Variants in NR3C2 observed in about 807,000 individuals in gnomAD.
NR3C2 encodes nuclear receptor subfamily 3 group C member 2.
A neutral mutation model predicts 86.4 loss-of-function variants in NR3C2; 15 were observed. The ratio of observed to expected loss-of-function variants is 0.17; its 90% CI spans 0.12 to 0.27. The LOEUF (loss-of-function observed/expected upper bound fraction) is 0.27, where lower values mean the gene tolerates loss of function less well. Among genes scored for constraint, NR3C2 ranks in the 10% least tolerant of loss-of-function variants. NR3C2 has a pLI of 1.00. For missense variants in NR3C2, 960 were observed against 1,195.6 expected, an observed-to-expected ratio of 0.80 and a Z score of 2.91; for synonymous variants, 458 against 450.5, an observed-to-expected ratio of 1.02 and a Z score of -0.21.
chr4:148,122,043 T>C (rs1732528870), intron 6 of NR3C2, among the ~76,000 whole-genome samples: 1 of 152,166 alleles, frequency 6.6e-6, no homozygotes, highest in African/African-American at 2.4e-5. Flanking sequence ...GTGCCCTTAC[T>C]TCACATCCCC....
rs1730526547 is a variant in NR3C2, at chr4:148,080,985, C to A, written c.*359G>T. The A allele has an allele frequency of 2.8e-6, 1 of 352,052 alleles. No individual in the cohort carries two copies. Among genetic ancestry groups the A allele is most frequent in the African/African-American group, 2.1e-5 (1 of 47,166 alleles). 21.8% of individuals were successfully genotyped at this position (352,052 alleles called of 1,614,324 possible). A position where few individuals can be genotyped will look rare whatever the true frequency, so the allele number is the denominator to read the frequency against. ...TAAAACGTTCGTTAGTCCTTGAACC[C>A]TTTTAAAACAAGCGAACGATACCAG... On this transcript the variant is annotated 3_prime_UTR_variant, in exon 9 of 9. Coordinates refer to ENST00000358102, the MANE Select transcript of NR3C2 (RefSeq NM_000901.5).
chr4:148,082,557 T>C (rs1218721110), intron 8 of NR3C2, among the ~76,000 whole-genome samples: 3 of 152,058 alleles, frequency 2.0e-5, no homozygotes, highest in Non-Finnish European at 4.4e-5. Flanking sequence ...TCCCAGGGTC[T>C]TCACAACCCA....
rs542435693 is a variant in NR3C2, at chr4:148,228,964, T to A, written c.1897+31014A>T. ...ATGCCTATAAAAGAGCTGAGAGGCA[T>A]AGAAGGGATGAACAATTATGGTGAA... On this transcript the variant is annotated intron_variant, in intron 3 of 8. Transcript: ENST00000358102. 2.0e-5 allele frequency among the ~76,000 whole-genome samples: 3 copies of A among 152,208 alleles called. No individual in the cohort carries two copies. The South Asian group carries it at 6.2e-4, about 32-fold the overall frequency.
At chr4:148,281,920 A>T (rs923450699) in intron 2 of NR3C2, among the ~76,000 whole-genome samples, 2 of 152,262 alleles carry the variant, frequency 1.3e-5, no homozygotes, top group Non-Finnish European at 2.9e-5. Context: ...CAGTCTGGTA[A>T]GAGATTAATT....
intron 8 of NR3C2, among the ~76,000 whole-genome samples, chr4:148,088,943 A>G (rs192686189): frequency 5.8e-4 from 88 of 152,358 alleles, no homozygotes; most frequent in African/African-American, 2.1e-3. Context: ...AGTTAGTTCT[A>G]TATTCCATTA....
chr4:148,309,387 G>A (rs1418297039), intron 2 of NR3C2, among the ~76,000 whole-genome samples: 1 of 152,070 alleles, frequency 6.6e-6, no homozygotes, highest in African/African-American at 2.4e-5. Flanking sequence ...AGTAAGAAGA[G>A]ACACACATGC....
chr4:148,159,818 T>A (rs191879908), intron 4 of NR3C2, among the ~76,000 whole-genome samples: 1 of 152,348 alleles, frequency 6.6e-6, no homozygotes, highest in African/African-American at 2.4e-5. Flanking sequence ...AAGGAACATG[T>A]TTCTATTAAC....
At chr4:148,273,466 C>T (rs1264629237) in intron 2 of NR3C2, among the ~76,000 whole-genome samples, 2 of 152,096 alleles carry the variant, frequency 1.3e-5, no homozygotes, top group African/African-American at 2.4e-5. Context: ...AGATTATGGT[C>T]GCTAAATTTT....
At chr4:148,425,015 G>A (rs1224232265) in intron 2 of NR3C2, among the ~76,000 whole-genome samples, 1 of 152,092 alleles carries the variant, frequency 6.6e-6, no homozygotes, top group Non-Finnish European at 1.5e-5. Flanking sequence ...GAAAAAGGAA[G>A]AACAGTATTT....
chr4:148,374,977 T>A (rs1746599396), intron 2 of NR3C2, among the ~76,000 whole-genome samples: 1 of 152,198 alleles, frequency 6.6e-6, no homozygotes, highest in Non-Finnish European at 1.5e-5. Context: ...GAAAACAGAT[T>A]AATGAGTGAA....
chr4:148,353,307 A>G (rs764753135), intron 2 of NR3C2, among the ~76,000 whole-genome samples: 10 of 152,096 alleles, frequency 6.6e-5, no homozygotes, highest in Non-Finnish European at 1.5e-4. Flanking sequence ...TCATTATACA[A>G]ATTCATTTTA....
chr4:148,259,293 T>C (rs1739978698), intron 3 of NR3C2, among the ~76,000 whole-genome samples: 1 of 152,338 alleles, frequency 6.6e-6, no homozygotes, highest in Non-Finnish European at 1.5e-5. Context: ...AACCATCTGG[T>C]CTAAGTCTGA....
chr4:148,369,273 C>A (rs1328848469), intron 2 of NR3C2, among the ~76,000 whole-genome samples: 1 of 152,132 alleles, frequency 6.6e-6, no homozygotes, highest in Non-Finnish European at 1.5e-5. Flanking sequence ...TACAAATTGA[C>A]AAAATGAAGA....
chr4:148,156,142 C>A (rs921805196), intron 4 of NR3C2, among the ~76,000 whole-genome samples: 5 of 152,014 alleles, frequency 3.3e-5, no homozygotes, highest in Admixed American at 1.3e-4. Context: ...AACGTTAGAC[C>A]TAAAACCATA....
intron 2 of NR3C2, among the ~76,000 whole-genome samples, chr4:148,371,423 G>T (rs1746415659): frequency 6.6e-6 from 1 of 152,120 alleles, no homozygotes; most frequent in African/African-American, 2.4e-5. Flanking sequence ...CTAGATAAAT[G>T]CTTGAGACCC....
At chr4:148,352,018 T>C (rs180847739) in intron 2 of NR3C2, among the ~76,000 whole-genome samples, 140 of 152,308 alleles carry the variant, frequency 9.2e-4, no homozygotes, top group African/African-American at 3.2e-3. Flanking sequence ...GGAATATTAT[T>C]CTTAAATAAC....
intron 4 of NR3C2, among the ~76,000 whole-genome samples, chr4:148,191,285 T>C (rs1216206942): frequency 2.0e-5 from 3 of 152,240 alleles, no homozygotes; most frequent in Non-Finnish European, 4.4e-5. Flanking sequence ...ATAACTGTTT[T>C]GTTTGAGGAG....
intron 2 of NR3C2, among the ~76,000 whole-genome samples, chr4:148,394,961 A>T (rs556441118): frequency 5.3e-4 from 80 of 152,242 alleles, no homozygotes; most frequent in African/African-American, 1.8e-3. Context: ...GAAATTGTTC[A>T]GTTTGCAAGC....
chr4:148,282,590 C>G (rs1313701789), intron 2 of NR3C2, among the ~76,000 whole-genome samples: 1 of 152,058 alleles, frequency 6.6e-6, no homozygotes. Context: ...AGGATAGTGA[C>G]AAAGTCTCCA....
Sources: allele counts gnomAD v4.1 joint callset (sites outside exome capture counted in the v4.1 genomes callset), GRCh38; gene constraint gnomAD v4.1.1; transcripts MANE v1.5; gene names NCBI Gene and HGNC (gene_info 2026-07-23, HGNC 2026-07-21).